MYRIP: variants seen among roughly 807,000 people sequenced by gnomAD.
MYRIP encodes myosin VIIA and Rab interacting protein, also known as rab effector MyRIP.
A neutral mutation model predicts 98.0 loss-of-function variants in MYRIP; 49 were observed. The ratio of observed to expected loss-of-function variants is 0.50; its 90% CI spans 0.40 to 0.63. The LOEUF (loss-of-function observed/expected upper bound fraction) is 0.63. Ranked by LOEUF, MYRIP falls within the 30% of genes least tolerant of loss-of-function variation. The pLI, the probability that MYRIP is intolerant of heterozygous loss-of-function variation, is 0.00. For synonymous variants in MYRIP, 404 were observed against 409.5 expected, an observed-to-expected ratio of 0.99 and a Z score of 0.16; for missense variants, 1,004 against 1,058.2, an observed-to-expected ratio of 0.95 and a Z score of 0.71.
chr3:40,259,103 A>G lies in MYRIP; in HGVS notation c.*937A>G, dbSNP rs552582332. On this transcript the variant is annotated 3_prime_UTR_variant, in exon 17 of 17. Coordinates refer to ENST00000302541, the MANE Select transcript of MYRIP (RefSeq NM_015460.4). ...TTTACTTCCCAATAAATATTCAGCA[A>G]AGTAGTAAAATGACCTTAAAGATAA... 3.9e-5 allele frequency: 6 copies of G among 152,352 alleles called. No homozygotes were observed. In the South Asian group the frequency reaches 8.3e-4, roughly 21 times the overall value. 9.4% of individuals were successfully genotyped at this position (152,352 alleles called of 1,614,324 possible).
intron 3 of MYRIP, among the ~76,000 whole-genome samples, chr3:40,059,237 A>G (rs1410865307): frequency 2.6e-5 from 4 of 152,132 alleles, no homozygotes; most frequent in African/African-American, 9.7e-5. Context: ...GTGCTGCAAT[A>G]AACTTACGTT....
intron 3 of MYRIP, among the ~76,000 whole-genome samples, chr3:40,050,976 C>T (rs1015196509): frequency 2.0e-5 from 3 of 152,006 alleles, no homozygotes; most frequent in South Asian, 2.1e-4. Context: ...TTGCCTGTTA[C>T]GAATGAGCAA....
At chr3:40,174,971 A>T (rs1220661774) in intron 8 of MYRIP, among the ~76,000 whole-genome samples, 1 of 151,956 alleles carries the variant, frequency 6.6e-6, no homozygotes, top group Non-Finnish European at 1.5e-5. Context: ...GTGAAACCCC[A>T]TCTCTATTAA....
chr3:39,881,062 A>G (rs1324831264), intron 1 of MYRIP, among the ~76,000 whole-genome samples: 2 of 151,972 alleles, frequency 1.3e-5, no homozygotes, highest in Non-Finnish European at 2.9e-5. Context: ...TATTGTCATT[A>G]TGTTTTCAAC....
intron 1 of MYRIP, among the ~76,000 whole-genome samples, chr3:39,876,670 C>A (rs1160221934): frequency 6.6e-6 from 1 of 151,906 alleles, no homozygotes; most frequent in African/African-American, 2.4e-5. Context: ...AATATTGGCC[C>A]CCACTCTCTT....
At chr3:40,104,579 A>G (rs1361619115) in intron 3 of MYRIP, among the ~76,000 whole-genome samples, 2 of 152,222 alleles carry the variant, frequency 1.3e-5, no homozygotes, top group African/African-American at 4.8e-5. Context: ...AGTTTTACCC[A>G]AACTCTTGTT....
intron 12 of MYRIP, among the ~76,000 whole-genome samples, chr3:40,234,930 C>T (rs56014160): frequency 0.22 from 32,930 of 149,020 alleles, 6,575 homozygotes; most frequent in African/African-American, 0.54. Flanking sequence ...GAGGCGAAGG[C>T]TGTAGTGAGC....
In MYRIP at chr3:40,121,449, A is replaced by T. The variant is rs1949402394; in HGVS notation, c.333-29599A>T. Reference sequence around the variant, plus strand: ...TGACAACTATCTGTGGCATCTGTGGATTTTTTTTTTCACTCTTCTTCTTCT... The same window carrying T: ...TGACAACTATCTGTGGCATCTGTGGTTTTTTTTTTTCACTCTTCTTCTTCT... On this transcript the variant is annotated intron_variant, in intron 3 of 16. Transcript: ENST00000302541. 4.7e-5 allele frequency among the ~76,000 whole-genome samples: 7 copies of T among 150,162 alleles called. No homozygotes were observed. In the South Asian group the frequency reaches 1.5e-3, roughly 32 times the overall value.
intron 2 of MYRIP, among the ~76,000 whole-genome samples, chr3:39,904,787 T>C (rs1173676607): frequency 6.6e-6 from 1 of 152,162 alleles, no homozygotes; most frequent in Non-Finnish European, 1.5e-5. Flanking sequence ...CAGGCCTCAC[T>C]ATGTAAAGTG....
chr3:40,222,925 T>A (rs186171591), intron 11 of MYRIP, among the ~76,000 whole-genome samples: 20 of 152,372 alleles, frequency 1.3e-4, no homozygotes, highest in African/African-American at 4.8e-4. Flanking sequence ...GTTCTGAGAT[T>A]TACGGTGGAA....
intron 3 of MYRIP, among the ~76,000 whole-genome samples, chr3:40,052,876 TA>T (rs1947819669): frequency 2.0e-5 from 3 of 152,150 alleles, no homozygotes; most frequent in Non-Finnish European, 4.4e-5. Context: ...ACTCTTATAT[TA>T]AAATGTTAGA....
At chr3:40,017,028 T>C (rs887700355) in intron 2 of MYRIP, among the ~76,000 whole-genome samples, 3 of 152,236 alleles carry the variant, frequency 2.0e-5, no homozygotes, top group African/African-American at 7.2e-5. Context: ...AGAGATCTGA[T>C]TTCTGTCTTT....
At chr3:39,963,344 G>A (rs1160424060) in intron 2 of MYRIP, among the ~76,000 whole-genome samples, 2 of 152,140 alleles carry the variant, frequency 1.3e-5, no homozygotes. Flanking sequence ...ATATTTAAGT[G>A]AGGATAACTC....
intron 2 of MYRIP, among the ~76,000 whole-genome samples, chr3:40,037,888 A>G (rs1231236881): frequency 6.6e-6 from 1 of 152,148 alleles, no homozygotes; most frequent in Non-Finnish European, 1.5e-5. Flanking sequence ...AGCTTAGGTC[A>G]CAGATGCTCC....
rs554102433 is a variant in MYRIP, at chr3:40,157,045, G to T, written c.470-5685G>T. Among the ~76,000 whole-genome samples, 293 of 151,468 alleles carry T rather than the reference G, an allele frequency of 1.9e-3. 1 individual carries two copies. Among genetic ancestry groups the T allele is most frequent in the African/African-American group, 6.8e-3 (281 of 41,024 alleles). On this transcript the variant is annotated intron_variant, in intron 4 of 16. Coordinates refer to ENST00000302541, the MANE Select transcript of MYRIP (RefSeq NM_015460.4). The stretch of plus-strand genomic sequence containing the variant: ...TCCAACACTATGTTGAATAGGAGTG[G>T]TGAGAGAGGGCATCCCTGTCTTGTG...
At chr3:39,881,636 C>A (rs1170102055) in intron 1 of MYRIP, among the ~76,000 whole-genome samples, 1 of 152,112 alleles carries the variant, frequency 6.6e-6, no homozygotes, top group Admixed American at 6.6e-5. Context: ...TGCCTAGTGT[C>A]TTTAAATCCA....
Position 40,110,884 on chromosome 3 carries a change from GT to G in MYRIP, c.333-40163del, listed in dbSNP as rs1559404882. ...GCTACTCTGCAGTTCATGAAGGGGT[GT>G]GTGTGTGTGTGTGTGTGTGTGTGTG... On this transcript the variant is annotated intron_variant, in intron 3 of 16. Coordinates refer to ENST00000302541, the MANE Select transcript of MYRIP (RefSeq NM_015460.4). Among the ~76,000 whole-genome samples the G allele has an allele frequency of 0.017, 16 of 948 alleles. No homozygotes were observed. In the East Asian group the frequency reaches 0.37, roughly 22 times the overall value. 0.6% of individuals were successfully genotyped at this position (948 alleles called of 152,430 possible).
chr3:39,866,007 G>C (rs1184774488), intron 1 of MYRIP, among the ~76,000 whole-genome samples: 1 of 152,092 alleles, frequency 6.6e-6, no homozygotes, highest in East Asian at 1.9e-4. Flanking sequence ...AAAAGAATGA[G>C]ATTACGTCCT....
At chr3:39,990,542 C>T (rs1190123997) in intron 2 of MYRIP, among the ~76,000 whole-genome samples, 1 of 152,138 alleles carries the variant, frequency 6.6e-6, no homozygotes, top group Non-Finnish European at 1.5e-5. Context: ...TATTAGGTAT[C>T]TGGAAAAGTT....
Sources: gnomAD v4.1 joint callset for allele counts (sites outside exome capture counted in the v4.1 genomes callset) on GRCh38, gnomAD v4.1.1 for gene constraint, MANE v1.5 for transcripts, NCBI Gene and HGNC (gene_info 2026-07-23, HGNC 2026-07-21) for gene names.